NTRK3: variants seen among roughly 807,000 people sequenced by gnomAD.
NTRK3 encodes the protein neurotrophic receptor tyrosine kinase 3.
NTRK3 carries 24 observed loss-of-function variants against 91.7 expected under a neutral mutation model. The ratio of observed to expected loss-of-function variants is 0.26; its 90% CI spans 0.19 to 0.37. The LOEUF (loss-of-function observed/expected upper bound fraction) is 0.37. Ranked by LOEUF, NTRK3 falls within the 10% of genes least tolerant of loss-of-function variation. NTRK3 has a pLI of 1.00. For missense variants in NTRK3, 880 were observed against 1,068.9 expected, an observed-to-expected ratio of 0.82 and a Z score of 2.46; for synonymous variants, 483 against 404.0, an observed-to-expected ratio of 1.20 and a Z score of -2.34.
intron 14 of NTRK3, among the ~76,000 whole-genome samples, chr15:88,031,171 T>C (rs569561481): frequency 3.9e-5 from 6 of 152,342 alleles, no homozygotes; most frequent in Non-Finnish European, 7.3e-5. Context: ...GACTGGTTGA[T>C]AAAATGTGAC....
rs969696958 is a variant in NTRK3 at position 88,241,522 on chromosome 15, G to A, written c.248+14384C>T. Reference sequence around the variant, plus strand: ...GCCACTTCTGCTTCCCCAGGGCCCAGGGAGCTGCTCTGGGCTGGAAAGGAG... The same window carrying A: ...GCCACTTCTGCTTCCCCAGGGCCCAAGGAGCTGCTCTGGGCTGGAAAGGAG... On this transcript the variant is annotated intron_variant, in intron 3 of 18. Coordinates refer to ENST00000394480, the Ensembl canonical transcript of NTRK3. The surrounding 1 kb of genome is among the most constrained non-coding windows in gnomAD (Gnocchi z 4.3). Among the ~76,000 whole-genome samples, 4 of 152,194 alleles carry A rather than the reference G, an allele frequency of 2.6e-5. No homozygotes were observed. The highest frequency in any genetic ancestry group is 9.7e-5 in the African/African-American group (4 of 41,448).
At chr15:88,124,927 G>T (rs1039903948) in intron 13 of NTRK3, among the ~76,000 whole-genome samples, 2 of 152,246 alleles carry the variant, frequency 1.3e-5, no homozygotes, top group Non-Finnish European at 2.9e-5. Context: ...ATCAAGAGCA[G>T]AGAGTGCAAA....
At chr15:87,902,677 G>C (rs937917105) in intron 17 of NTRK3, among the ~76,000 whole-genome samples, 1 of 152,066 alleles carries the variant, frequency 6.6e-6, no homozygotes, top group South Asian at 2.1e-4. Flanking sequence ...TATAAAGACA[G>C]TACATTGCCT....
chr15:88,221,057 C>T (rs2141576480), intron 3 of NTRK3, among the ~76,000 whole-genome samples: 1 of 152,276 alleles, frequency 6.6e-6, no homozygotes, highest in Middle Eastern at 3.4e-3. Context: ...GAATCTAGTC[C>T]AATGCTTTCA....
rs76677659 is a variant in NTRK3, at chr15:88,211,320, C to A, written c.249-27021G>T. 7.0e-3 allele frequency among the ~76,000 whole-genome samples: 1,073 copies of A among 152,276 alleles called. 16 individuals carry two copies. The highest frequency in any genetic ancestry group is 0.025 in the African/African-American group (1,029 of 41,538). ...AACACATTTTTGAGGTTAGGTTCATCCATGTTGTAGCATGTATCAAAATGT... is the reference window on the plus strand; with the variant it reads ...AACACATTTTTGAGGTTAGGTTCATACATGTTGTAGCATGTATCAAAATGT... On this transcript the variant is annotated intron_variant, in intron 3 of 18. Coordinates refer to ENST00000394480, the Ensembl canonical transcript of NTRK3.
chr15:88,084,970 T>C (rs2048369391), intron 13 of NTRK3, among the ~76,000 whole-genome samples: 1 of 152,200 alleles, frequency 6.6e-6, no homozygotes, highest in Non-Finnish European at 1.5e-5. Context: ...TGGGATAACC[T>C]ATATATCAGG....
Position 87,993,046 on chromosome 15 carries a change from T to C in NTRK3, c.1585+39811A>G, listed in dbSNP as rs140592440. ...CTTCTAAGGACTTTAAAAATGATTA[T>C]GTTACTTTCAAAATAACTCTGAGGT... On this transcript the variant is annotated intron_variant, in intron 14 of 18. Transcript: ENST00000394480. Among the ~76,000 whole-genome samples, 195 of 152,346 alleles carry C rather than the reference T, an allele frequency of 1.3e-3. 2 individuals are homozygous for C. The highest frequency in any genetic ancestry group is 4.1e-3 in the African/African-American group (170 of 41,578).
At chr15:87,943,779 T>A (rs951354122) in intron 14 of NTRK3, among the ~76,000 whole-genome samples, 2 of 151,732 alleles carry the variant, frequency 1.3e-5, no homozygotes, top group African/African-American at 4.8e-5. Flanking sequence ...TCCCTCAACA[T>A]CCCAGAAGAG....
chr15:88,252,885 G>A (rs2053571508), intron 3 of NTRK3: 2 of 152,278 alleles, frequency 1.3e-5, no homozygotes, highest in Non-Finnish European at 2.9e-5. Context: ...ATACAAACAG[G>A]GCAGCTGAAT....
At chr15:87,864,875 C>G (rs2064621564) in exon 19 of NTRK3, 3 of 227,120 alleles carry the variant, frequency 1.3e-5, no homozygotes. Flanking sequence ...TGGCCCTGTA[C>G]AGTTCACCTT....
At chr15:88,203,778 C>T (rs1387120470) in intron 3 of NTRK3, among the ~76,000 whole-genome samples, 7 of 151,976 alleles carry the variant, frequency 4.6e-5, no homozygotes, top group Admixed American at 3.9e-4. Context: ...ACACATTATA[C>T]GAATGTATTA....
At chr15:88,229,701 G>A (rs2051004792) in intron 3 of NTRK3, among the ~76,000 whole-genome samples, 1 of 152,198 alleles carries the variant, frequency 6.6e-6, no homozygotes, top group African/African-American at 2.4e-5. Context: ...ACAGGTGGGT[G>A]CAGCCTCCCT....
chr15:88,170,669 GGCA>G (rs2045422391), intron 5 of NTRK3, among the ~76,000 whole-genome samples: 1 of 152,174 alleles, frequency 6.6e-6, no homozygotes, highest in African/African-American at 2.4e-5. Context: ...CCACGACCAG[GGCA>G]GCAGAAGAAC....
At chr15:88,077,443 C>A (rs559641993) in intron 13 of NTRK3, among the ~76,000 whole-genome samples, 10 of 152,144 alleles carry the variant, frequency 6.6e-5, no homozygotes, top group African/African-American at 2.2e-4. Flanking sequence ...CTCGCCCTCA[C>A]CCCAGAGTTG....
chr15:88,126,951 G>A (rs2053351103), intron 12 of NTRK3, among the ~76,000 whole-genome samples: 1 of 152,174 alleles, frequency 6.6e-6, no homozygotes. Flanking sequence ...CTGAACCCTA[G>A]GGCTTGGAGC....
intron 14 of NTRK3, chr15:87,979,176 G>T: frequency 1.5e-6 from 1 of 669,494 alleles, no homozygotes; most frequent in Non-Finnish European, 2.7e-6. Context: ...GTGGTGGATG[G>T]GGGAAAACAC....
chr15:87,878,823 T>C (rs924320446), intron 18 of NTRK3, among the ~76,000 whole-genome samples: 1 of 151,928 alleles, frequency 6.6e-6, no homozygotes, highest in Non-Finnish European at 1.5e-5. Flanking sequence ...AGTCTTCTGT[T>C]AAGACCAATA....
intron 13 of NTRK3, among the ~76,000 whole-genome samples, chr15:88,043,744 A>T (rs536385927): frequency 6.6e-6 from 1 of 152,216 alleles, no homozygotes; most frequent in Non-Finnish European, 1.5e-5. Flanking sequence ...AGTTCTTTCA[A>T]ATTAAAGTGA....
intron 14 of NTRK3, among the ~76,000 whole-genome samples, chr15:87,971,491 T>C (rs2073248010): frequency 6.6e-6 from 1 of 152,244 alleles, no homozygotes; most frequent in Non-Finnish European, 1.5e-5. Flanking sequence ...AGGCTAGATT[T>C]AGTTAGTATC....
Sources: allele counts gnomAD v4.1 joint callset (sites outside exome capture counted in the v4.1 genomes callset), GRCh38; gene constraint gnomAD v4.1.1; non-coding constraint Gnocchi (gnomAD v3.1); transcripts MANE v1.5; gene names NCBI Gene and HGNC (gene_info 2026-07-23, HGNC 2026-07-21).